LHFPL6: variants seen among roughly 807,000 people sequenced by gnomAD.
The protein encoded by LHFPL6 is LHFPL tetraspan subfamily member 6, also known as LHFPL tetraspan subfamily member 6 protein.
In LHFPL6, 9 loss-of-function variants were observed where a neutral mutation model predicts 20.6. The observed-to-expected ratio is 0.44, with a 90% CI of 0.26 to 0.76. LHFPL6 has a LOEUF of 0.76. Among genes scored for constraint, LHFPL6 ranks in the 30% least tolerant of loss-of-function variants. The probability of loss-of-function intolerance (pLI) is 0.20; values close to 1 mark genes in which losing one functional copy is unlikely to be tolerated. For synonymous variants in LHFPL6, 105 were observed against 98.7 expected (o/e 1.06, Z -0.38); for missense variants, 218 against 253.5 (o/e 0.86, Z 0.95).
At chr13:39,497,683 T>C (rs1332982328) in intron 2 of LHFPL6, among the ~76,000 whole-genome samples, 1 of 152,208 alleles carries the variant, frequency 6.6e-6, no homozygotes, top group African/African-American at 2.4e-5. Context: ...CTTTCTGCTT[T>C]GATTACATAT....
chr13:39,537,251 A>C (rs9566454), intron 2 of LHFPL6, among the ~76,000 whole-genome samples: 1,987 of 152,304 alleles, frequency 0.013, 45 homozygotes, highest in East Asian at 0.094. Flanking sequence ...CGGCACGCAC[A>C]CCACACAAGT....
chr13:39,549,872 A>C (rs921680240), intron 2 of LHFPL6, among the ~76,000 whole-genome samples: 1 of 152,130 alleles, frequency 6.6e-6, no homozygotes, highest in Non-Finnish European at 1.5e-5. Context: ...ACACAACAAC[A>C]TGGATGAATC....
At position 39,505,698 on chromosome 13, in the gene LHFPL6, T is replaced by TG. The variant is rs1225401624; in HGVS notation, c.385+95133dup. Among the ~76,000 whole-genome samples, 30 of 152,248 alleles carry TG rather than the reference T, an allele frequency of 2.0e-4. 1 individual carries two copies. The South Asian group carries it at 6.2e-3, about 32-fold the overall frequency. On this transcript the variant is annotated intron_variant, in intron 2 of 3. Coordinates refer to ENST00000379589, the MANE Select transcript of LHFPL6 (RefSeq NM_005780.3). ...CTCACCGAATGTGTCAAACAAGGTT[T>TG]GGGGGTGCTGTGGAGGGATTCACAG...
chr13:39,558,325 T>C (rs1208253991), intron 2 of LHFPL6, among the ~76,000 whole-genome samples: 1 of 152,152 alleles, frequency 6.6e-6, no homozygotes, highest in African/African-American at 2.4e-5. Flanking sequence ...GTTATAAAGA[T>C]TGAATGAGAT....
chr13:39,343,338 ATATT>A lies in LHFPL6; in HGVS notation c.*594_*597del. 4.4e-6 allele frequency: 1 copy of A among 226,714 alleles called. No individual in the cohort carries two copies. 14.0% of individuals were successfully genotyped at this position (226,714 alleles called of 1,614,324 possible). The stretch of plus-strand genomic sequence containing the variant: ...AGTGATAATACTGTATTTTAAATGT[ATATT>A]AAAAAGAAAACAGAGGAGAAATGCA... On this transcript the variant is annotated 3_prime_UTR_variant, in exon 4 of 4. Coordinates refer to ENST00000379589, the MANE Select transcript of LHFPL6 (RefSeq NM_005780.3).
chr13:39,536,450 T>G (rs1870620848), intron 2 of LHFPL6, among the ~76,000 whole-genome samples: 1 of 152,154 alleles, frequency 6.6e-6, no homozygotes, highest in Non-Finnish European at 1.5e-5. Context: ...TCCCAGCCAA[T>G]GACTGAGCAC....
intron 2 of LHFPL6, among the ~76,000 whole-genome samples, chr13:39,561,160 C>A (rs969882783): frequency 2.0e-5 from 3 of 151,950 alleles, no homozygotes; most frequent in African/African-American, 7.3e-5. Context: ...TTCTAGGAGG[C>A]TTTGCCTGCC....
intron 2 of LHFPL6, among the ~76,000 whole-genome samples, chr13:39,507,914 C>T (rs1392753381): frequency 2.7e-5 from 4 of 150,720 alleles, no homozygotes; most frequent in Non-Finnish European, 1.5e-5. Context: ...TCCCTTCTTT[C>T]CTTCCCTCCC....
At chr13:39,349,456 C>T (rs746224758) in intron 3 of LHFPL6, among the ~76,000 whole-genome samples, 1 of 152,172 alleles carries the variant, frequency 6.6e-6, no homozygotes, top group Non-Finnish European at 1.5e-5. Flanking sequence ...CCTTTCCTCG[C>T]TCCCTCTCTC....
At chr13:39,377,981 C>T (rs965362088) in intron 3 of LHFPL6, among the ~76,000 whole-genome samples, 1 of 152,246 alleles carries the variant, frequency 6.6e-6, no homozygotes, top group Non-Finnish European at 1.5e-5. Flanking sequence ...CAAGACTGAA[C>T]TCCATTCTCA....
chr13:39,591,842 T>C (rs1169075743), intron 2 of LHFPL6, among the ~76,000 whole-genome samples: 1 of 152,314 alleles, frequency 6.6e-6, no homozygotes, highest in East Asian at 1.9e-4. Flanking sequence ...ACACCTGTCA[T>C]CCCAGCACTT....
intron 2 of LHFPL6, among the ~76,000 whole-genome samples, chr13:39,512,201 T>C (rs1295976760): frequency 6.6e-6 from 1 of 152,228 alleles, no homozygotes; most frequent in Non-Finnish European, 1.5e-5. Context: ...TGATTTCCTG[T>C]TCTCTCTCAT....
chr13:39,398,462 G>A (rs535750137), intron 2 of LHFPL6, among the ~76,000 whole-genome samples: 116 of 152,234 alleles, frequency 7.6e-4, no homozygotes, highest in Admixed American at 1.2e-3. Flanking sequence ...CTCCCTAAAG[G>A]GTAAAGCCTT....
chr13:39,546,674 C>T (rs983931105), intron 2 of LHFPL6, among the ~76,000 whole-genome samples: 4 of 152,196 alleles, frequency 2.6e-5, no homozygotes, highest in African/African-American at 9.6e-5. Flanking sequence ...TCACCCTTGA[C>T]TCCACCCCAT....
chr13:39,499,358 A>G (rs531703384), intron 2 of LHFPL6, among the ~76,000 whole-genome samples: 1 of 152,272 alleles, frequency 6.6e-6, no homozygotes, highest in East Asian at 1.9e-4. Context: ...CCAGGCCTTC[A>G]TTACTTTGTA....
chr13:39,378,626 T>C (rs770507326), intron 2 of LHFPL6, 100 bp from the exon 3 acceptor site: 4 of 848,350 alleles, frequency 4.7e-6, no homozygotes, highest in Non-Finnish European at 7.6e-6. Context: ...GACCATAGCG[T>C]CTGCTTTTTA....
intron 3 of LHFPL6, among the ~76,000 whole-genome samples, chr13:39,378,009 C>A (rs1221620036): frequency 6.6e-6 from 1 of 152,196 alleles, no homozygotes; most frequent in African/African-American, 2.4e-5. Context: ...CACAAAGTGG[C>A]CTTATTAGAC....
Position 39,343,741 on chromosome 13 carries a change from C to T in LHFPL6, c.*195G>A. 1.8e-6 allele frequency: 1 copy of T among 552,146 alleles called. No homozygotes were observed. Among genetic ancestry groups the T allele is most frequent in the Non-Finnish European group, 3.2e-6 (1 of 310,180 alleles). The allele number at this position is 552,146 out of a possible 1,614,324, so 34.2% of individuals were successfully genotyped here. A position where few individuals can be genotyped will look rare whatever the true frequency, so the allele number is the denominator to read the frequency against. On this transcript the variant is annotated 3_prime_UTR_variant, in exon 4 of 4. Transcript: ENST00000379589. ...CCATTTTTCTCCATCATTCTATACT[C>T]TCCTTTTTTTTCCCCCACAAATCTC...
intron 2 of LHFPL6, among the ~76,000 whole-genome samples, chr13:39,595,087 T>C (rs1332694852): frequency 6.6e-6 from 1 of 152,124 alleles, no homozygotes; most frequent in Admixed American, 6.5e-5. Flanking sequence ...CTGCACGTTG[T>C]GCACATGTAC....
Sources: gnomAD v4.1 joint callset for allele counts (sites outside exome capture counted in the v4.1 genomes callset) on GRCh38, gnomAD v4.1.1 for gene constraint, MANE v1.5 for transcripts, NCBI Gene and HGNC (gene_info 2026-07-23, HGNC 2026-07-21) for gene names.